GTF2F2: variants seen among roughly 807,000 people sequenced by gnomAD.
GTF2F2 encodes ATP-dependent helicase GTF2F2.
In GTF2F2, 23 loss-of-function variants were observed where a neutral mutation model predicts 42.2. The ratio of observed to expected loss-of-function variants is 0.55; its 90% CI spans 0.39 to 0.77. The LOEUF (loss-of-function observed/expected upper bound fraction) is 0.77. Ranked by LOEUF, GTF2F2 falls within the 30% of genes least tolerant of loss-of-function variation. The pLI, the probability that GTF2F2 is intolerant of heterozygous loss-of-function variation, is 0.00. For synonymous variants in GTF2F2, 105 were observed against 100.8 expected (o/e 1.04, Z -0.25); for missense variants, 261 against 287.2 (o/e 0.91, Z 0.66).
intron 1 of GTF2F2, chr13:45,123,956 A>G: frequency 1.5e-6 from 1 of 685,454 alleles, no homozygotes; most frequent in Non-Finnish European, 2.5e-6. Context: ...ACTCCCCAGC[A>G]TTGAGGGTCT....
chr13:45,139,299 A>G (rs760472911), intron 2 of GTF2F2, among the ~76,000 whole-genome samples: 49 of 152,232 alleles, frequency 3.2e-4, no homozygotes, highest in Middle Eastern at 3.2e-3. Context: ...TATGGGCTCA[A>G]TAAATGTTCA....
intron 7 of GTF2F2, among the ~76,000 whole-genome samples, chr13:45,278,090 ATTTG>A (rs1222333062): frequency 1.3e-5 from 2 of 152,182 alleles, no homozygotes; most frequent in Non-Finnish European, 2.9e-5. Context: ...TAAGTCCTCC[ATTTG>A]TTTGACAGAG....
chr13:45,191,224 A>AAAAAAAAAAAAAAAT, intron 4 of GTF2F2, among the ~76,000 whole-genome samples: 2 of 75,346 alleles, frequency 2.7e-5, no homozygotes, highest in African/African-American at 2.0e-4. Context: ...ACAAAAAAAA[A>AAAAAAAAAAAAAAAT]ATATATATAT....
chr13:45,250,074 T>TTG (rs1875814764), intron 5 of GTF2F2, among the ~76,000 whole-genome samples: 1 of 131,482 alleles, frequency 7.6e-6, no homozygotes. Flanking sequence ...TTTTTTTTTT[T>TTG]GAGACAGTCT....
chr13:45,250,051 C>CTTTTTTTTTTTTTT (rs780347641), intron 5 of GTF2F2, among the ~76,000 whole-genome samples: 1 of 100,862 alleles, frequency 9.9e-6, no homozygotes, highest in African/African-American at 4.2e-5. Flanking sequence ...TGCCTTATCT[C>CTTTTTTTTTTTTTT]TTTTTTTTTT....
chr13:45,124,550 G>T lies in GTF2F2; in HGVS notation c.66+3829G>T, dbSNP rs190696225. 1.9e-3 allele frequency among the ~76,000 whole-genome samples: 284 copies of T among 151,874 alleles called. 1 individual carries two copies. The highest frequency in any genetic ancestry group is 0.014 in the Middle Eastern group (4 of 294). On this transcript the variant is annotated intron_variant, in intron 1 of 7. Coordinates refer to ENST00000340473, the MANE Select transcript of GTF2F2 (RefSeq NM_004128.3). ...TTTTTGTATTTTTAGTAGAGATGGG[G>T]TTTATTTTGTTTGTTTGTTTGTTTT...
chr13:45,196,336 A>G (rs1018511642), intron 4 of GTF2F2, among the ~76,000 whole-genome samples: 1 of 152,212 alleles, frequency 6.6e-6, no homozygotes, highest in Non-Finnish European at 1.5e-5. Context: ...ATTTTGACTA[A>G]AACGTCCTTT....
intron 4 of GTF2F2, among the ~76,000 whole-genome samples, chr13:45,187,205 C>A (rs1203583780): frequency 6.6e-6 from 1 of 151,940 alleles, no homozygotes; most frequent in South Asian, 2.1e-4. Flanking sequence ...GCCTGGGCAA[C>A]AAAGTGAGAC....
intron 7 of GTF2F2, 110 bp from the exon 8 acceptor site, chr13:45,283,332 A>G: frequency 1.1e-6 from 1 of 950,356 alleles, no homozygotes; most frequent in Non-Finnish European, 1.5e-6. Context: ...CTGAGCTTTT[A>G]GGATCATAAT....
chr13:45,123,079 C>CA (rs896153581), intron 1 of GTF2F2: 85 of 142,208 alleles, frequency 6.0e-4, no homozygotes, highest in East Asian at 1.8e-3. Flanking sequence ...CATCCTGTCT[C>CA]AAAAAAAAAA....
At chr13:45,161,522 C>A (rs1355484296) in intron 4 of GTF2F2, among the ~76,000 whole-genome samples, 1 of 152,136 alleles carries the variant, frequency 6.6e-6, no homozygotes, top group East Asian at 1.9e-4. Flanking sequence ...GAATTGCATG[C>A]CTGTTTCAGT....
At chr13:45,279,887 G>A (rs765942601) in intron 7 of GTF2F2, among the ~76,000 whole-genome samples, 1 of 151,946 alleles carries the variant, frequency 6.6e-6, no homozygotes, top group Non-Finnish European at 1.5e-5. Flanking sequence ...CCTGGGCAAC[G>A]AGAGTGAAAC....
intron 4 of GTF2F2, among the ~76,000 whole-genome samples, chr13:45,173,143 G>GA (rs1219715351): frequency 6.6e-6 from 1 of 151,968 alleles, no homozygotes. Flanking sequence ...TGTACAGAGA[G>GA]AAAAAATATG....
At chr13:45,279,633 C>T (rs544897083) in intron 7 of GTF2F2, among the ~76,000 whole-genome samples, 65 of 152,184 alleles carry the variant, frequency 4.3e-4, no homozygotes, top group Middle Eastern at 3.4e-3. Context: ...TGTGGCCGGG[C>T]GCGGTGGCTC....
At chr13:45,174,004 G>C (rs1161636648) in intron 4 of GTF2F2, among the ~76,000 whole-genome samples, 1 of 152,076 alleles carries the variant, frequency 6.6e-6, no homozygotes. Context: ...AAATTCTCTA[G>C]AGATTCATCC....
chr13:45,230,993 T>C (rs1398663543), intron 5 of GTF2F2, among the ~76,000 whole-genome samples: 2 of 152,116 alleles, frequency 1.3e-5, no homozygotes, highest in African/African-American at 4.8e-5. Context: ...TAATTTAACT[T>C]CTTCAGGTTC....
intron 4 of GTF2F2, among the ~76,000 whole-genome samples, chr13:45,175,319 AC>A (rs1379596455): frequency 6.6e-6 from 1 of 152,048 alleles, no homozygotes; most frequent in Non-Finnish European, 1.5e-5. Context: ...TATATATACC[AC>A]ATTTTCTTTA....
intron 5 of GTF2F2, among the ~76,000 whole-genome samples, chr13:45,244,427 T>C (rs984154936): frequency 3.9e-5 from 6 of 152,186 alleles, no homozygotes; most frequent in Non-Finnish European, 2.9e-5. Context: ...ATAGTAAGTG[T>C]TCTTTAAATG....
chr13:45,165,690 A>G (rs1436332091), intron 4 of GTF2F2, among the ~76,000 whole-genome samples: 1 of 151,880 alleles, frequency 6.6e-6, no homozygotes, highest in Admixed American at 6.6e-5. Context: ...GAAGATGGCA[A>G]ATAGTCATTC....
Sources: allele counts gnomAD v4.1 joint callset (sites outside exome capture counted in the v4.1 genomes callset), GRCh38; gene constraint gnomAD v4.1.1; transcripts MANE v1.5; gene names NCBI Gene and HGNC (gene_info 2026-07-23, HGNC 2026-07-21).